CACNA1C: variants seen among roughly 807,000 people sequenced by gnomAD.
The protein encoded by CACNA1C is voltage-dependent L-type calcium channel subunit alpha-1C.
Under a neutral mutation model 229.0 loss-of-function variants are expected in CACNA1C, and 30 were observed. The observed-to-expected ratio is 0.13, with a 90% CI of 0.10 to 0.18. The LOEUF (loss-of-function observed/expected upper bound fraction) is 0.18. CACNA1C is among the 10% of genes least tolerant of loss of function. The pLI is 1.00. For synonymous variants in CACNA1C, 1,114 were observed against 1,132.5 expected (o/e 0.98, Z 0.33); for missense variants, 1,658 against 2,845.0 (o/e 0.58, Z 9.49).
At chr12:2,247,926 G>A (rs557832900) in intron 3 of CACNA1C, among the ~76,000 whole-genome samples, 1 of 152,294 alleles carries the variant, frequency 6.6e-6, no homozygotes, top group African/African-American at 2.4e-5. Flanking sequence ...GGGGGGACAG[G>A]TGGCTGAGAA....
At chr12:2,383,958 G>A (rs1006470949) in intron 3 of CACNA1C, among the ~76,000 whole-genome samples, 4 of 152,218 alleles carry the variant, frequency 2.6e-5, no homozygotes, top group Admixed American at 6.5e-5. Context: ...AGGTGCTAAT[G>A]AGCAGGGAAA....
intron 34 of CACNA1C, among the ~76,000 whole-genome samples, chr12:2,658,721 T>C (rs1309035808): frequency 1.3e-5 from 2 of 152,184 alleles, no homozygotes; most frequent in African/African-American, 4.8e-5. Flanking sequence ...GACAGCTCCA[T>C]GCATGTTAGT....
intron 3 of CACNA1C, among the ~76,000 whole-genome samples, chr12:2,396,609 C>T (rs2098585420): frequency 6.6e-6 from 1 of 152,232 alleles, no homozygotes; most frequent in Non-Finnish European, 1.5e-5. Context: ...CCCTTGTGAA[C>T]AGGGTGAGTT....
At chr12:2,280,485 GATACCTTGCTGTGCTTCGGTTTA>G in intron 3 of CACNA1C, among the ~76,000 whole-genome samples, 1 of 76,320 alleles carries the variant, frequency 1.3e-5, no homozygotes, top group African/African-American at 5.1e-5. Flanking sequence ...TTAACCTCTT[GATACCTTGCTGTGCTTCGGTTTA>G]ACCTCTTGAT....
At chr12:2,623,463 A>G (rs922564769) in intron 29 of CACNA1C, among the ~76,000 whole-genome samples, 1 of 152,106 alleles carries the variant, frequency 6.6e-6, no homozygotes, top group African/African-American at 2.4e-5. Context: ...GTAATAAATA[A>G]TAAACACCTC....
chr12:2,326,621 C>G (rs1489102674), intron 3 of CACNA1C, among the ~76,000 whole-genome samples: 1 of 152,230 alleles, frequency 6.6e-6, no homozygotes, highest in African/African-American at 2.4e-5. Context: ...CTAGCTCTCG[C>G]CATGCTGTGT....
intron 3 of CACNA1C, among the ~76,000 whole-genome samples, chr12:2,374,923 T>C (rs763181195): frequency 3.3e-5 from 5 of 152,192 alleles, no homozygotes; most frequent in Non-Finnish European, 7.4e-5. Context: ...TCGGGATCTG[T>C]GGCAGGACAG....
intron 3 of CACNA1C, among the ~76,000 whole-genome samples, chr12:2,438,398 G>GTAGTCA (rs1427801435): frequency 1.9e-5 from 2 of 106,582 alleles, no homozygotes; most frequent in Non-Finnish European, 4.3e-5. Context: ...GGTAGTCATG[G>GTAGTCA]TGGTGGTGGT....
chr12:2,147,703 G>A (rs1421773064), intron 3 of CACNA1C, among the ~76,000 whole-genome samples: 5 of 150,104 alleles, frequency 3.3e-5, no homozygotes, highest in East Asian at 1.9e-4. Flanking sequence ...ATGAAAATAC[G>A]ATGGTCAGAT....
At chr12:1,994,494 G>C (rs2040320085) in intron 1 of CACNA1C, among the ~76,000 whole-genome samples, 1 of 152,150 alleles carries the variant, frequency 6.6e-6, no homozygotes, top group Admixed American at 6.5e-5. Flanking sequence ...GGGTAAAGTG[G>C]TGGTAAGCAT....
At position 2,651,589 on chromosome 12, in the gene CACNA1C, C is replaced by T. The variant is rs202216172; in HGVS notation, c.3946-51C>T. ...TTTCTCGGAGGGGCCCTCCTGTTCT[C>T]ACCCCCCTCTTGCTGTGCTAACTGC... On this transcript the variant is annotated intron_variant, in intron 31 of 46. Coordinates refer to ENST00000399655, the MANE Select transcript of CACNA1C (RefSeq NM_000719.7). This position sits in a 1 kb window ranked among gnomAD's most constrained non-coding sequence, Gnocchi z 5.4. 59 of 1,613,592 alleles carry T rather than the reference C, an allele frequency of 3.7e-5. No individual in the cohort carries two copies. The highest frequency in any genetic ancestry group is 4.6e-5 in the Non-Finnish European group (54 of 1,179,724).
intron 9 of CACNA1C, among the ~76,000 whole-genome samples, chr12:2,535,814 C>T (rs1053842546): frequency 3.3e-5 from 5 of 150,196 alleles, no homozygotes; most frequent in African/African-American, 1.2e-4. Context: ...GGAAAACAAA[C>T]TGCAAGCATC....
Position 2,626,837 on chromosome 12 carries a change from A to T in CACNA1C, c.3829-7460A>T, listed in dbSNP as rs192930315. ...TTCAGGAGGGCTGATTCATATTCGTATGCCCAAGCCTTGCATAGTTACAGG... is the reference window on the plus strand; with the variant it reads ...TTCAGGAGGGCTGATTCATATTCGTTTGCCCAAGCCTTGCATAGTTACAGG... On this transcript the variant is annotated intron_variant, in intron 29 of 46. Coordinates refer to ENST00000399655, the MANE Select transcript of CACNA1C (RefSeq NM_000719.7). Among the ~76,000 whole-genome samples, 160 of 152,326 alleles carry T rather than the reference A, an allele frequency of 1.1e-3. 1 individual carries two copies. In the South Asian group the frequency reaches 0.011, roughly 10 times the overall value.
At chr12:2,438,341 A>G (rs1372102797) in intron 3 of CACNA1C, among the ~76,000 whole-genome samples, 2 of 48,814 alleles carry the variant, frequency 4.1e-5, no homozygotes, top group Non-Finnish European at 4.4e-5. Flanking sequence ...GGTGATGATA[A>G]TGATGATGGT....
At chr12:2,002,581 T>C (rs2042416554) in intron 1 of CACNA1C, among the ~76,000 whole-genome samples, 1 of 152,200 alleles carries the variant, frequency 6.6e-6, no homozygotes, top group African/African-American at 2.4e-5. Flanking sequence ...TCTATCACAT[T>C]GATAAGGGTC....
In CACNA1C at chr12:2,597,810, C is replaced by T. The variant is rs1440393471; in HGVS notation, c.2853+521C>T. On this transcript the variant is annotated intron_variant, in intron 21 of 46. Transcript: ENST00000399655. This position sits in a 1 kb window ranked among gnomAD's most constrained non-coding sequence, Gnocchi z 4.3. ...GTTGGGGCTGCAGCCGTCAGCAGCG[C>T]CAGACATACATGCCCACATGCACCA... 6.6e-6 allele frequency among the ~76,000 whole-genome samples: 1 copy of T among 152,222 alleles called. No individual in the cohort carries two copies. The highest frequency in any genetic ancestry group is 1.9e-4 in the East Asian group (1 of 5,196).
At chr12:2,135,820 T>C (rs2093362056) in intron 3 of CACNA1C, among the ~76,000 whole-genome samples, 1 of 146,652 alleles carries the variant, frequency 6.8e-6, no homozygotes, top group South Asian at 2.1e-4. Flanking sequence ...CTCCTTGAGC[T>C]GTGGTAGGCT....
intron 3 of CACNA1C, among the ~76,000 whole-genome samples, chr12:2,304,744 G>C (rs1248366998): frequency 6.6e-6 from 1 of 152,168 alleles, no homozygotes. Flanking sequence ...CTTCCTGCTA[G>C]GACAGCCAGT....
chr12:2,283,017 G>GC (rs930348188), intron 3 of CACNA1C, among the ~76,000 whole-genome samples: 1 of 149,102 alleles, frequency 6.7e-6, no homozygotes, highest in Non-Finnish European at 1.5e-5. Flanking sequence ...TAACACTCTG[G>GC]CCCTTTTTTT....
Sources: gnomAD v4.1 joint callset for allele counts (sites outside exome capture counted in the v4.1 genomes callset) on GRCh38, gnomAD v4.1.1 for gene constraint, Gnocchi (gnomAD v3.1) non-coding constraint, MANE v1.5 for transcripts, NCBI Gene and HGNC (gene_info 2026-07-23, HGNC 2026-07-21) for gene names.